OR7E24: variants seen among roughly 807,000 people sequenced by gnomAD.
The protein encoded by OR7E24 is olfactory receptor 7E24.
For synonymous variants in OR7E24, 130 were observed against 157.5 expected (o/e 0.83, Z 1.31); for missense variants, 385 against 410.3 (o/e 0.94, Z 0.53).
upstream of OR7E24, among the ~76,000 whole-genome samples, chr19:9,247,846 T>C (rs566511491): frequency 6.6e-6 from 1 of 152,318 alleles, no homozygotes; most frequent in South Asian, 2.1e-4. Flanking sequence ...TATTTGCATG[T>C]CCCTGCCAAT....
the OR7E24 span, among the ~76,000 whole-genome samples, chr19:9,226,774 T>C: frequency 2.0e-5 from 3 of 152,210 alleles, no homozygotes; most frequent in Admixed American, 2.0e-4. Context: ...TTTTACAGCC[T>C]TTAGAAGCCA....
chr19:9,226,482 G>A, the OR7E24 span, among the ~76,000 whole-genome samples: 1 of 152,208 alleles, frequency 6.6e-6, no homozygotes, highest in South Asian at 2.1e-4. Context: ...GAAGGAGAAA[G>A]TAACTTGTGG....
At chr19:9,225,682 G>C in the OR7E24 span, among the ~76,000 whole-genome samples, 1 of 152,138 alleles carries the variant, frequency 6.6e-6, no homozygotes, top group Non-Finnish European at 1.5e-5. Flanking sequence ...AGGAAACCAT[G>C]GGGAATGCCA....
At chr19:9,245,808 G>C (rs983339515), upstream of OR7E24, among the ~76,000 whole-genome samples, 2 of 152,010 alleles carry the variant, frequency 1.3e-5, no homozygotes, top group African/African-American at 4.8e-5. Context: ...ACCTTTTTGC[G>C]TTCCTTGGGC....
At chr19:9,214,857 G>C in the OR7E24 span, 27 of 1,524,472 alleles carry the variant, frequency 1.8e-5, no homozygotes, top group Non-Finnish European at 2.4e-5. Context: ...GTGTCTGCTG[G>C]GGAAGGAGGA....
At chr19:9,240,701 T>C in the OR7E24 span, among the ~76,000 whole-genome samples, 1 of 152,344 alleles carries the variant, frequency 6.6e-6, no homozygotes, top group East Asian at 1.9e-4. Flanking sequence ...TTACTCATGC[T>C]TTCACTGTTG....
upstream of OR7E24, among the ~76,000 whole-genome samples, chr19:9,244,629 A>G (rs542325565): frequency 4.1e-4 from 62 of 152,334 alleles, no homozygotes; most frequent in Middle Eastern, 3.4e-3. Context: ...CCTTCATGAC[A>G]TTGGATTTGG....
At chr19:9,217,171 A>G in the OR7E24 span, among the ~76,000 whole-genome samples, 1 of 152,218 alleles carries the variant, frequency 6.6e-6, no homozygotes, top group Non-Finnish European at 1.5e-5. Flanking sequence ...GGACACCGCC[A>G]TTAGAATCAA....
chr19:9,217,101 G>A, the OR7E24 span, among the ~76,000 whole-genome samples: 2 of 152,088 alleles, frequency 1.3e-5, no homozygotes, highest in African/African-American at 2.4e-5. Flanking sequence ...TCTGCCCAGT[G>A]TATTCCTCCA....
chr19:9,248,598 T>C (rs1029408442), upstream of OR7E24, among the ~76,000 whole-genome samples: 1 of 152,178 alleles, frequency 6.6e-6, no homozygotes, highest in African/African-American at 2.4e-5. Flanking sequence ...CCACGTTCAC[T>C]GTGTCAAGTA....
the OR7E24 span, among the ~76,000 whole-genome samples, chr19:9,225,665 G>A: frequency 3.9e-5 from 6 of 151,968 alleles, no homozygotes; most frequent in African/African-American, 1.5e-4. Flanking sequence ...TCCCTAAAAC[G>A]ACACAAAGGA....
chr19:9,237,152 G>A, the OR7E24 span, among the ~76,000 whole-genome samples: 2 of 152,012 alleles, frequency 1.3e-5, no homozygotes, highest in African/African-American at 4.8e-5. Context: ...TTAGTGCTTC[G>A]GAGTACCCTG....
chr19:9,214,216 C>T, the OR7E24 span: 3 of 1,614,190 alleles, frequency 1.9e-6, no homozygotes. Flanking sequence ...ACAGGAAACA[C>T]ACCCAGCAGT....
At chr19:9,230,874 GC>G in the OR7E24 span, among the ~76,000 whole-genome samples, 1 of 152,012 alleles carries the variant, frequency 6.6e-6, no homozygotes, top group African/African-American at 2.4e-5. Flanking sequence ...GACTGCCTTG[GC>G]CTATTCATGA....
upstream of OR7E24, among the ~76,000 whole-genome samples, chr19:9,245,095 G>A (rs192524690): frequency 1.8e-3 from 269 of 152,162 alleles, 1 homozygote; most frequent in African/African-American, 6.4e-3. Flanking sequence ...TGCACCTATA[G>A]TCCCAGCTAC....
At chr19:9,216,489 T>C in the OR7E24 span, among the ~76,000 whole-genome samples, 1 of 152,224 alleles carries the variant, frequency 6.6e-6, no homozygotes, top group Non-Finnish European at 1.5e-5. Context: ...ATACTCCCTA[T>C]GTGGGAATAT....
At chr19:9,211,334 G>A in the OR7E24 span, 1 of 152,174 alleles carries the variant, frequency 6.6e-6, no homozygotes, top group African/African-American at 2.4e-5. Flanking sequence ...GTTAGATATG[G>A]GGAAATGCTT....
chr19:9,235,312 AGCCC>A, the OR7E24 span: 1 of 1,256,232 alleles, frequency 8.0e-7, no homozygotes, highest in East Asian at 2.3e-5. Context: ...CCACCTCCAC[AGCCC>A]CATGTAATTC....
the OR7E24 span, among the ~76,000 whole-genome samples, chr19:9,233,863 T>C: frequency 6.6e-6 from 1 of 151,996 alleles, no homozygotes; most frequent in Non-Finnish European, 1.5e-5. Flanking sequence ...ACTACTCTTA[T>C]TTAGAGGTGA....
Sources: allele counts gnomAD v4.1 joint callset (sites outside exome capture counted in the v4.1 genomes callset), GRCh38; gene constraint gnomAD v4.1.1; transcripts MANE v1.5; gene names NCBI Gene and HGNC (gene_info 2026-07-23, HGNC 2026-07-21).